NEDD9: variants seen among roughly 807,000 people sequenced by gnomAD.
NEDD9 encodes the protein neural precursor cell expressed, developmentally down-regulated 9, also known as enhancer of filamentation 1.
NEDD9 carries 26 observed loss-of-function variants against 76.6 expected under a neutral mutation model. That is an observed-to-expected ratio of 0.34 (90% CI 0.25 to 0.47). The LOEUF (loss-of-function observed/expected upper bound fraction) is 0.47, where lower values mean the gene tolerates loss of function less well. NEDD9 is among the 20% of genes least tolerant of loss of function. The pLI, the probability that NEDD9 is intolerant of heterozygous loss-of-function variation, is 1.00. For missense variants in NEDD9, 937 were observed against 1,058.5 expected (o/e 0.89, Z 1.59); for synonymous variants, 392 against 414.2 (o/e 0.95, Z 0.65).
chr6:11,247,058 C>A (rs1759825362), intron 3 of NEDD9, among the ~76,000 whole-genome samples: 1 of 152,152 alleles, frequency 6.6e-6, no homozygotes, highest in South Asian at 2.1e-4. Context: ...CCTAGAAGTC[C>A]AATCTTCCCA....
intron 3 of NEDD9, among the ~76,000 whole-genome samples, chr6:11,296,299 C>T (rs1225512259): frequency 3.3e-5 from 5 of 152,126 alleles, no homozygotes; most frequent in Non-Finnish European, 4.4e-5. Context: ...AGAGGTTCTT[C>T]GTTTTGATCC....
At chr6:11,191,270 T>A in intron 4 of NEDD9, 65 bp from the exon 5 acceptor site, 4 of 1,502,600 alleles carry the variant, frequency 2.7e-6, no homozygotes, top group Non-Finnish European at 3.5e-6. Flanking sequence ...TGTGGTCCCA[T>A]GTGCTCAGTC....
chr6:11,258,599 T>A (rs1403099465), intron 3 of NEDD9: 1 of 152,124 alleles, frequency 6.6e-6, no homozygotes, highest in Admixed American at 6.5e-5. Context: ...AGGTTGCAGG[T>A]TCTGAACTAC....
chr6:11,229,658 G>A (rs867400379), intron 1 of NEDD9, among the ~76,000 whole-genome samples: 3 of 152,174 alleles, frequency 2.0e-5, no homozygotes, highest in African/African-American at 7.2e-5. Flanking sequence ...TGAAGCCCCC[G>A]TAATTTACTA....
chr6:11,264,442 A>G (rs1760169097), intron 3 of NEDD9, among the ~76,000 whole-genome samples: 1 of 152,158 alleles, frequency 6.6e-6, no homozygotes, highest in South Asian at 2.1e-4. Flanking sequence ...GGGGTCCCCA[A>G]GAATTCAATC....
At chr6:11,246,811 G>T (rs1409214124) in intron 3 of NEDD9, among the ~76,000 whole-genome samples, 1 of 152,176 alleles carries the variant, frequency 6.6e-6, no homozygotes, top group Non-Finnish European at 1.5e-5. Context: ...GGCTGCAAAG[G>T]CTGGGCCAGT....
At chr6:11,257,716 C>T (rs1423575959) in intron 3 of NEDD9, among the ~76,000 whole-genome samples, 5 of 151,378 alleles carry the variant, frequency 3.3e-5, no homozygotes, top group Admixed American at 1.3e-4. Flanking sequence ...AGATGAGGGC[C>T]GAGGCTTCTC....
In NEDD9 at chr6:11,370,775, G is replaced by T. The variant is rs571503885; in HGVS notation, c.-214+11364C>A. Among the ~76,000 whole-genome samples, 3 of 152,272 alleles carry T rather than the reference G, an allele frequency of 2.0e-5. No individual in the cohort carries two copies. Among genetic ancestry groups the T allele is most frequent in the Non-Finnish European group, 4.4e-5 (3 of 68,032 alleles). On this transcript the variant is annotated intron_variant, in intron 1 of 3. Coordinates refer to the NEDD9 transcript ENST00000397378. This position sits in a 1 kb window ranked among gnomAD's most constrained non-coding sequence, Gnocchi z 4.2. ...AGAACACAGCAGGGGACAAAATAAC[G>T]TCCTTCACCCACCCACGGAGCCAAC... is the stretch of plus-strand genomic sequence containing the variant.
At chr6:11,294,714 CT>C (rs1174050736) in intron 3 of NEDD9, among the ~76,000 whole-genome samples, 169 of 152,278 alleles carry the variant, frequency 1.1e-3, no homozygotes, top group African/African-American at 3.8e-3. Context: ...TTCCCATATC[CT>C]CACAACACTT....
intron 2 of NEDD9, among the ~76,000 whole-genome samples, chr6:11,327,604 C>G (rs1761955702): frequency 6.6e-6 from 1 of 152,216 alleles, no homozygotes; most frequent in Non-Finnish European, 1.5e-5. Context: ...TCTCTGATCA[C>G]CTGATAACTT....
intron 2 of NEDD9, among the ~76,000 whole-genome samples, chr6:11,329,761 G>A (rs911499473): frequency 6.6e-6 from 1 of 151,262 alleles, no homozygotes; most frequent in Admixed American, 6.6e-5. Context: ...ACAACTGGGT[G>A]GGGGGGGCGG....
Position 11,243,946 on chromosome 6 carries a change from A to G in NEDD9, c.13-30219T>C, listed in dbSNP as rs1042895965. ...CCTGGATAGGCCATGCATGCTACCC[A>G]GATATTTGATCAAACACTAGTCTAG... On this transcript the variant is annotated intron_variant, in intron 3 of 3. Transcript: ENST00000397378. 6.6e-5 allele frequency among the ~76,000 whole-genome samples: 10 copies of G among 152,218 alleles called. No homozygotes were observed. In the East Asian group the frequency reaches 1.9e-3, roughly 29 times the overall value.
chr6:11,211,209 C>T (rs1328745006), intron 2 of NEDD9, among the ~76,000 whole-genome samples: 2 of 152,194 alleles, frequency 1.3e-5, no homozygotes, highest in Non-Finnish European at 2.9e-5. Context: ...CCCAGCACCC[C>T]AGCCCTTTGA....
At chr6:11,308,309 G>C (rs1425906871) in intron 2 of NEDD9, among the ~76,000 whole-genome samples, 1 of 150,044 alleles carries the variant, frequency 6.7e-6, no homozygotes, top group Non-Finnish European at 1.5e-5. Flanking sequence ...GTCCAACGTG[G>C]TTTCTCAGGT....
At chr6:11,229,364 T>G in intron 1 of NEDD9, among the ~76,000 whole-genome samples, 1 of 152,194 alleles carries the variant, frequency 6.6e-6, no homozygotes, top group Admixed American at 6.5e-5. Context: ...AAGGGGCCGC[T>G]GAGCCCCCGC....
intron 2 of NEDD9, among the ~76,000 whole-genome samples, chr6:11,330,216 G>A (rs1204491515): frequency 2.6e-5 from 4 of 152,266 alleles, no homozygotes; most frequent in Non-Finnish European, 5.9e-5. Context: ...CCCCTAGTCA[G>A]ATGTCCTTTC....
intron 2 of NEDD9, among the ~76,000 whole-genome samples, chr6:11,332,526 C>T (rs1294096970): frequency 6.6e-6 from 1 of 152,222 alleles, no homozygotes; most frequent in Non-Finnish European, 1.5e-5. Flanking sequence ...CAGCCTTGCA[C>T]GTGCCATGCC....
At chr6:11,197,505 A>C (rs944296999) in intron 2 of NEDD9, among the ~76,000 whole-genome samples, 1 of 152,164 alleles carries the variant, frequency 6.6e-6, no homozygotes, top group Non-Finnish European at 1.5e-5. Flanking sequence ...AGATGTTAGT[A>C]TACCATTCTC....
At chr6:11,242,084 G>A (rs780008943) in intron 3 of NEDD9, among the ~76,000 whole-genome samples, 1 of 152,178 alleles carries the variant, frequency 6.6e-6, no homozygotes, top group Non-Finnish European at 1.5e-5. Flanking sequence ...AGTGTGGGCC[G>A]AGGACTGGGT....
Sources: allele counts gnomAD v4.1 joint callset (sites outside exome capture counted in the v4.1 genomes callset), GRCh38; gene constraint gnomAD v4.1.1; non-coding constraint Gnocchi (gnomAD v3.1); transcripts MANE v1.5; gene names NCBI Gene and HGNC (gene_info 2026-07-23, HGNC 2026-07-21).